The following VPS54 variants were observed in gnomAD, a reference collection of about 807,000 sequenced individuals.
VPS54 encodes the protein vacuolar protein sorting-associated protein 54.
VPS54 carries 45 observed loss-of-function variants against 121.5 expected under a neutral mutation model. The observed-to-expected ratio is 0.37, with a 90% CI of 0.29 to 0.47. The LOEUF is 0.47. Among genes scored for constraint, VPS54 ranks in the 20% least tolerant of loss-of-function variants. The pLI is 0.99. For synonymous variants in VPS54, 371 were observed against 385.8 expected (o/e 0.96, Z 0.45); for missense variants, 1,090 against 1,131.4 (o/e 0.96, Z 0.52).
At chr2:63,936,568 T>C (rs1559004865) in intron 11 of VPS54, among the ~76,000 whole-genome samples, 1 of 152,134 alleles carries the variant, frequency 6.6e-6, no homozygotes, top group Non-Finnish European at 1.5e-5. Flanking sequence ...TATTTATCCA[T>C]ACAACAAAAT....
At chr2:64,016,626 T>G (rs1172685064) in intron 1 of VPS54, among the ~76,000 whole-genome samples, 1 of 125,142 alleles carries the variant, frequency 8.0e-6, no homozygotes, top group Non-Finnish European at 1.7e-5. Context: ...TTTTTTTTTT[T>G]GAGATGGAGT....
At chr2:63,950,210 T>C (rs552535900) in intron 7 of VPS54, among the ~76,000 whole-genome samples, 17 of 152,342 alleles carry the variant, frequency 1.1e-4, no homozygotes, top group African/African-American at 4.1e-4. Context: ...TTTCGGGCTT[T>C]ATGGTCTTCA....
At chr2:63,965,718 T>C (rs563204784) in intron 6 of VPS54, 117 bp downstream of exon 6, 2 of 1,429,992 alleles carry the variant, frequency 1.4e-6, no homozygotes, top group African/African-American at 2.9e-5. Context: ...TAGTTATCAG[T>C]AAGAACAAAA....
chr2:63,979,855 A>G (rs1328619585), intron 3 of VPS54, among the ~76,000 whole-genome samples: 1 of 152,204 alleles, frequency 6.6e-6, no homozygotes, highest in African/African-American at 2.4e-5. Flanking sequence ...TGTATGAGGT[A>G]AAGTCTTCTA....
chr2:63,986,038 CATT>C (rs1259338185), intron 1 of VPS54, among the ~76,000 whole-genome samples: 4 of 152,158 alleles, frequency 2.6e-5, no homozygotes, highest in Non-Finnish European at 5.9e-5. Context: ...TTAACTTTCT[CATT>C]AATCAAATAA....
At chr2:63,908,345 G>A (rs1267042742) in intron 20 of VPS54, among the ~76,000 whole-genome samples, 1 of 152,128 alleles carries the variant, frequency 6.6e-6, no homozygotes, top group Non-Finnish European at 1.5e-5. Flanking sequence ...CTACTTAGAG[G>A]ATATTCTGGA....
chr2:63,999,923 C>A (rs553402527), intron 1 of VPS54, among the ~76,000 whole-genome samples: 1 of 152,042 alleles, frequency 6.6e-6, no homozygotes. Context: ...TGCAATGGCA[C>A]GATCTCGTCT....
Position 63,899,550 on chromosome 2 carries a change from C to T in VPS54, c.2657G>A (p.Cys886Tyr). 2 of 1,613,704 alleles carry T rather than the reference C, an allele frequency of 1.2e-6. No homozygotes were observed. Among genetic ancestry groups the T allele is most frequent in the Non-Finnish European group, 1.7e-6 (2 of 1,179,938 alleles). The change falls in exon 21 of 23, where the codon TGT becomes TAT. Residue 886 changes from cysteine (C) to tyrosine (Y), a missense_variant. Physicochemically the swap from Cys to Tyr is radical, Grantham distance 194. This residue lies in a region of VPS54 where 289 missense variants were observed against 374.4 expected (regional missense o/e 0.77). Coordinates refer to ENST00000272322, the MANE Select transcript of VPS54 (RefSeq NM_016516.3). ...YEVKAPVPSA[C>Y]FRNICKQMTK... ...CATTTGCTTACAAATATTCCTGAAA[C>T]AGGCAGAAGGAACAGGAGCCTTCAC... is the stretch of plus-strand genomic sequence containing the variant.
intron 1 of VPS54, among the ~76,000 whole-genome samples, chr2:64,012,984 A>T (rs1678498227): frequency 6.6e-6 from 1 of 152,246 alleles, no homozygotes; most frequent in Non-Finnish European, 1.5e-5. Flanking sequence ...CAAAAAGAAA[A>T]GTTACCATTT....
At position 63,972,120 on chromosome 2, in the gene VPS54, A is replaced by C. The variant is rs1676310192; in HGVS notation, c.457+46T>G. 3.1e-6 allele frequency: 4 copies of C among 1,270,344 alleles called. No individual in the cohort carries two copies. The East Asian group carries it at 1.0e-4, about 33-fold the overall frequency. The allele number at this position is 1,270,344 out of a possible 1,614,324, so 78.7% of individuals were successfully genotyped here. On this transcript the variant is annotated intron_variant, in intron 4 of 22. Coordinates refer to ENST00000272322, the MANE Select transcript of VPS54 (RefSeq NM_016516.3). Reference sequence around the variant, plus strand: ...CCCAAAATAAAGATTTTGTTCACTAATATTTATGCTATGCTTTATTATCTA... The same window carrying C: ...CCCAAAATAAAGATTTTGTTCACTACTATTTATGCTATGCTTTATTATCTA...
Position 63,965,988 on chromosome 2 carries a change from C to T in VPS54, c.493-22G>A, listed in dbSNP as rs1191794927. Reference sequence around the variant, plus strand: ...AAATCTATTAAAAAAATGCATTTCCCTCAATTAGATAAGTATTTTCTTTAT... The same window carrying T: ...AAATCTATTAAAAAAATGCATTTCCTTCAATTAGATAAGTATTTTCTTTAT... On this transcript the variant is annotated intron_variant, in intron 5 of 22. Coordinates refer to ENST00000272322, the MANE Select transcript of VPS54 (RefSeq NM_016516.3). 4 of 1,597,816 alleles carry T rather than the reference C, an allele frequency of 2.5e-6. No individual in the cohort carries two copies. In the Admixed American group the frequency reaches 7.1e-5, roughly 28 times the overall value.
chr2:63,982,358 T>C (rs1676837357), intron 2 of VPS54, among the ~76,000 whole-genome samples: 1 of 152,222 alleles, frequency 6.6e-6, no homozygotes, highest in Non-Finnish European at 1.5e-5. Context: ...AATGTTGCTG[T>C]GGCATTAACC....
At chr2:63,986,439 C>A (rs1023331181) in intron 1 of VPS54, among the ~76,000 whole-genome samples, 1 of 152,214 alleles carries the variant, frequency 6.6e-6, no homozygotes, top group Non-Finnish European at 1.5e-5. Flanking sequence ...ATGACAAGAT[C>A]TCATCCTTTT....
intron 20 of VPS54, 113 bp from the exon 21 acceptor site, chr2:63,899,694 G>A: frequency 1.2e-6 from 1 of 824,034 alleles, no homozygotes; most frequent in Non-Finnish European, 1.9e-6. Flanking sequence ...TTCTGGCATA[G>A]TACTTAAGCT....
intron 7 of VPS54, among the ~76,000 whole-genome samples, chr2:63,951,552 C>A (rs769716917): frequency 6.6e-6 from 1 of 152,088 alleles, no homozygotes; most frequent in Non-Finnish European, 1.5e-5. Flanking sequence ...TACAGTGGTA[C>A]AATATGTACC....
chr2:64,013,702 GATAT>G (rs1009069341), intron 1 of VPS54, among the ~76,000 whole-genome samples: 3 of 144,862 alleles, frequency 2.1e-5, no homozygotes, highest in South Asian at 4.2e-4. Context: ...CATATATAGA[GATAT>G]ATATATCATA....
intron 1 of VPS54, among the ~76,000 whole-genome samples, chr2:63,990,489 C>A (rs900402510): frequency 6.6e-6 from 1 of 152,066 alleles, no homozygotes; most frequent in Non-Finnish European, 1.5e-5. Flanking sequence ...ATTCCTCAAC[C>A]GGTCACTTTG....
intron 1 of VPS54, among the ~76,000 whole-genome samples, chr2:63,996,710 C>T (rs531186387): frequency 3.3e-5 from 5 of 152,232 alleles, no homozygotes; most frequent in South Asian, 2.1e-4. Flanking sequence ...CTAAAATGGC[C>T]GCTCTGGGAG....
intron 14 of VPS54, 63 bp from the exon 15 acceptor site, chr2:63,920,058 T>A: frequency 7.1e-7 from 1 of 1,410,678 alleles, no homozygotes; most frequent in Non-Finnish European, 9.7e-7. Context: ...TTCCTTGGTT[T>A]AAAAGAAAAG....
Sources: gnomAD v4.1 joint callset for allele counts (sites outside exome capture counted in the v4.1 genomes callset) on GRCh38, gnomAD v4.1.1 for gene constraint, gnomAD v4.1.1 regional missense constraint, MANE v1.5 for transcripts, NCBI Gene and HGNC (gene_info 2026-07-23, HGNC 2026-07-21) for gene names.